Variants in IMPACT observed in about 807,000 individuals in gnomAD.
IMPACT encodes the protein impact RWD domain protein.
A neutral mutation model predicts 47.5 loss-of-function variants in IMPACT; 35 were observed. The ratio of observed to expected loss-of-function variants is 0.74; its 90% CI spans 0.56 to 0.98. IMPACT has a LOEUF of 0.98. IMPACT is among the 50% of genes least tolerant of loss of function. The probability of loss-of-function intolerance (pLI) is 0.00; values close to 1 mark genes in which losing one functional copy is unlikely to be tolerated. For missense variants in IMPACT, 373 were observed against 394.8 expected, an observed-to-expected ratio of 0.94 and a Z score of 0.47; for synonymous variants, 118 against 125.6, an observed-to-expected ratio of 0.94 and a Z score of 0.40.
At chr18:24,444,699 G>T (rs1052854085) in intron 7 of IMPACT, among the ~76,000 whole-genome samples, 6 of 152,168 alleles carry the variant, frequency 3.9e-5, no homozygotes, top group Non-Finnish European at 7.3e-5. Flanking sequence ...AAGGTTGCCA[G>T]ATAAAATACA....
chr18:24,438,935 G>T (rs1909019674), intron 5 of IMPACT, among the ~76,000 whole-genome samples: 1 of 152,184 alleles, frequency 6.6e-6, no homozygotes, highest in African/African-American at 2.4e-5. Context: ...CAAAGAGAGA[G>T]AAATATATTT....
intron 6 of IMPACT, among the ~76,000 whole-genome samples, chr18:24,441,099 T>A (rs1288318455): frequency 2.0e-5 from 3 of 152,230 alleles, no homozygotes; most frequent in Non-Finnish European, 4.4e-5. Flanking sequence ...AAGTTGACCT[T>A]GAACTCCTGG....
At chr18:24,427,819 C>T (rs1028216380) in intron 1 of IMPACT, 100 bp from the exon 2 acceptor site, 4 of 1,164,646 alleles carry the variant, frequency 3.4e-6, no homozygotes, top group Admixed American at 5.6e-5. Context: ...AATTTTTGAT[C>T]TACTCTGGTA....
At chr18:24,445,527 A>G in intron 8 of IMPACT, 61 bp downstream of exon 8, 3 of 931,544 alleles carry the variant, frequency 3.2e-6, no homozygotes, top group Non-Finnish European at 4.9e-6. Flanking sequence ...GAAATGATGC[A>G]TGATTTTAGA....
rs1241328337 is a variant in IMPACT, at chr18:24,431,046, A to G, written c.281+662A>G. ...ACTGTACTAGATCCTGGGTGCAGGT[A>G]TGGCTAGCATGAACAGAAGTGCCCT... On this transcript the variant is annotated intron_variant, in intron 4 of 10. Coordinates refer to ENST00000284202, the MANE Select transcript of IMPACT (RefSeq NM_018439.4). 3.3e-5 allele frequency among the ~76,000 whole-genome samples: 5 copies of G among 152,240 alleles called. No individual in the cohort carries two copies. The East Asian group carries it at 7.7e-4, about 23-fold the overall frequency.
chr18:24,436,279 G>A (rs1908938958), intron 4 of IMPACT, among the ~76,000 whole-genome samples: 1 of 151,974 alleles, frequency 6.6e-6, no homozygotes, highest in Non-Finnish European at 1.5e-5. Flanking sequence ...AAGTCTTGCT[G>A]TGTCGCCCAG....
intron 4 of IMPACT, among the ~76,000 whole-genome samples, chr18:24,433,696 A>G (rs1369871226): frequency 1.6e-5 from 2 of 122,756 alleles, no homozygotes; most frequent in Non-Finnish European, 3.2e-5. Context: ...TCTGAGACCG[A>G]GTCTTGCTCT....
rs1180307793 is a variant in IMPACT, at chr18:24,452,178, A to G, written c.*1331A>G. 6.6e-6 allele frequency: 1 copy of G among 152,206 alleles called. No homozygotes were observed. Among genetic ancestry groups the G allele is most frequent in the Admixed American group, 6.5e-5 (1 of 15,280 alleles). 9.4% of individuals were successfully genotyped at this position (152,206 alleles called of 1,614,324 possible). A position where few individuals can be genotyped will look rare whatever the true frequency, so the allele number is the denominator to read the frequency against. On this transcript the variant is annotated 3_prime_UTR_variant, in exon 11 of 11. Coordinates refer to ENST00000284202, the MANE Select transcript of IMPACT (RefSeq NM_018439.4). ...CTTTTTCTCTTTTCTCTGATGTTTT[A>G]CCTTTAAAAGATCCAACATCCTTAC...
chr18:24,451,486 T>C lies in IMPACT; in HGVS notation c.*639T>C, dbSNP rs913116914. 6.6e-6 allele frequency: 1 copy of C among 152,176 alleles called. No homozygotes were observed. Among genetic ancestry groups the C allele is most frequent in the Non-Finnish European group, 1.5e-5 (1 of 68,022 alleles). 9.4% of individuals were successfully genotyped at this position (152,176 alleles called of 1,614,324 possible). ...ATTATGCTTCAGTTTCTGTTGCAAA[T>C]TGGTGATTGTGAAATTACAGAAAGT... On this transcript the variant is annotated 3_prime_UTR_variant, in exon 11 of 11. Coordinates refer to ENST00000284202, the MANE Select transcript of IMPACT (RefSeq NM_018439.4).
intron 4 of IMPACT, among the ~76,000 whole-genome samples, chr18:24,433,859 C>CG (rs1908833256): frequency 6.6e-6 from 1 of 151,356 alleles, no homozygotes; most frequent in Non-Finnish European, 1.5e-5. Flanking sequence ...TTAGTAGAGA[C>CG]GGGGTTTCAG....
At chr18:24,450,411 GTTTAT>G (rs1277686654) in intron 10 of IMPACT, among the ~76,000 whole-genome samples, 1 of 151,870 alleles carries the variant, frequency 6.6e-6, no homozygotes, top group Non-Finnish European at 1.5e-5. Context: ...TATACTTTGA[GTTTAT>G]TTTGTTTTAT....
rs558513727 is a variant in IMPACT at position 24,451,902 on chromosome 18, A to G, written c.*1055A>G. On this transcript the variant is annotated 3_prime_UTR_variant, in exon 11 of 11. Coordinates refer to ENST00000284202, the MANE Select transcript of IMPACT (RefSeq NM_018439.4). ...CCCTCCCCCCCATTTTTTCCCCTCT[A>G]TTCATCAAACCTTTATGTATCTTTC... is the stretch of plus-strand genomic sequence containing the variant. 6.9e-6 allele frequency: 1 copy of G among 145,098 alleles called. No individual in the cohort carries two copies. Among genetic ancestry groups the G allele is most frequent in the Admixed American group, 6.9e-5 (1 of 14,516 alleles). 9.0% of individuals were successfully genotyped at this position (145,098 alleles called of 1,614,324 possible).
At chr18:24,437,156 A>G (rs781664458) in intron 4 of IMPACT, among the ~76,000 whole-genome samples, 9 of 152,268 alleles carry the variant, frequency 5.9e-5, no homozygotes, top group Non-Finnish European at 1.2e-4. Flanking sequence ...TTTTAGAGGA[A>G]GGAGGTGAGG....
At chr18:24,450,538 G>C (rs1484871174) in intron 10 of IMPACT, among the ~76,000 whole-genome samples, 1 of 151,872 alleles carries the variant, frequency 6.6e-6, no homozygotes, top group African/African-American at 2.4e-5. Flanking sequence ...AGATAAATAA[G>C]GTTTCCTTGA....
At chr18:24,441,605 G>A (rs938903091) in intron 6 of IMPACT, among the ~76,000 whole-genome samples, 3 of 152,244 alleles carry the variant, frequency 2.0e-5, no homozygotes, top group African/African-American at 7.2e-5. Flanking sequence ...GTTTCCCTAA[G>A]CCTCTTAGGA....
intron 9 of IMPACT, 40 bp from the exon 10 acceptor site, chr18:24,449,779 G>T: frequency 6.5e-7 from 1 of 1,539,174 alleles, no homozygotes; most frequent in Non-Finnish European, 9.0e-7. Context: ...ATTTATACAT[G>T]TCTGTCTATG....
intron 2 of IMPACT, 126 bp downstream of exon 2, chr18:24,428,173 AAC>A: frequency 4.8e-6 from 4 of 828,130 alleles, no homozygotes; most frequent in Non-Finnish European, 7.4e-6. Flanking sequence ...TCAATGATTA[AAC>A]ACATGGGCAG....
At chr18:24,443,228 G>T in intron 7 of IMPACT, 76 bp downstream of exon 7, 2 of 644,922 alleles carry the variant, frequency 3.1e-6, no homozygotes, top group South Asian at 2.2e-5. Flanking sequence ...TAATCCCCTT[G>T]TTTTTACTTT....
intron 4 of IMPACT, 46 bp downstream of exon 4, chr18:24,430,430 T>TTG (rs1324349474): frequency 7.2e-7 from 1 of 1,384,276 alleles, no homozygotes; most frequent in Non-Finnish European, 1.0e-6. Flanking sequence ...AGTGATTGTA[T>TTG]TGTGGGCTTT....
Sources: allele counts gnomAD v4.1 joint callset (sites outside exome capture counted in the v4.1 genomes callset), GRCh38; gene constraint gnomAD v4.1.1; transcripts MANE v1.5; gene names NCBI Gene and HGNC (gene_info 2026-07-23, HGNC 2026-07-21).